Variants in NLRP9 observed in about 807,000 individuals in gnomAD.
NLRP9 encodes NACHT, LRR and PYD domains-containing protein 9.
Under a neutral mutation model 83.1 loss-of-function variants are expected in NLRP9, and 88 were observed. The ratio of observed to expected loss-of-function variants is 1.06; its 90% CI spans 0.89 to 1.26. The LOEUF (loss-of-function observed/expected upper bound fraction) is 1.26, where lower values mean the gene tolerates loss of function less well. Ranked by LOEUF, NLRP9 falls within the 50% of genes most tolerant of loss-of-function variation. The pLI is 0.00. For synonymous variants in NLRP9, 521 were observed against 447.6 expected (o/e 1.16, Z -2.07); for missense variants, 1,308 against 1,179.3 (o/e 1.11, Z -1.60).
chr19:55,728,215 G>T (rs976340189), intron 3 of NLRP9, among the ~76,000 whole-genome samples: 2 of 152,192 alleles, frequency 1.3e-5, no homozygotes. Flanking sequence ...AGTGCCGGTA[G>T]AATTTACGAA....
chr19:55,716,331 T>C (rs1988010610), intron 5 of NLRP9, among the ~76,000 whole-genome samples: 1 of 149,798 alleles, frequency 6.7e-6, no homozygotes, highest in Non-Finnish European at 1.5e-5. Context: ...CAATCTCGGC[T>C]CACTGCAACC....
intron 3 of NLRP9, among the ~76,000 whole-genome samples, chr19:55,726,760 G>C (rs1988415492): frequency 1.3e-5 from 2 of 152,132 alleles, no homozygotes; most frequent in South Asian, 4.1e-4. Context: ...CCTTGGGGAG[G>C]CATTAGAATC....
At chr19:55,715,938 A>G (rs1423989623) in intron 5 of NLRP9, among the ~76,000 whole-genome samples, 8 of 152,228 alleles carry the variant, frequency 5.3e-5, no homozygotes, top group African/African-American at 2.4e-5. Flanking sequence ...AGGTTTTGTT[A>G]AAAGAATAGA....
chr19:55,716,226 A>T (rs576441750), intron 5 of NLRP9, among the ~76,000 whole-genome samples: 5 of 151,614 alleles, frequency 3.3e-5, no homozygotes, highest in African/African-American at 1.2e-4. Flanking sequence ...GTATGGCTTA[A>T]ATATATGCAA....
intron 2 of NLRP9, among the ~76,000 whole-genome samples, chr19:55,731,489 C>T (rs1307089517): frequency 2.0e-5 from 3 of 151,908 alleles, no homozygotes; most frequent in Non-Finnish European, 4.4e-5. Flanking sequence ...TTTGGGAGGC[C>T]GAGATGGGTG....
chr19:55,727,062 G>A (rs1045920009), intron 3 of NLRP9, among the ~76,000 whole-genome samples: 60 of 152,056 alleles, frequency 3.9e-4, no homozygotes, highest in South Asian at 2.1e-4. Context: ...AGACCAGCCC[G>A]GCCAACATAG....
intron 3 of NLRP9, 144 bp downstream of exon 3, chr19:55,729,687 A>G (rs538857942): frequency 1.5e-4 from 92 of 624,992 alleles, no homozygotes; most frequent in Non-Finnish European, 1.7e-4. Flanking sequence ...ATAGTGCCGC[A>G]ATAAACATAC....
rs543270036 is a variant in NLRP9, at chr19:55,733,809, G to C, written c.281-259C>G. 2.0e-5 allele frequency among the ~76,000 whole-genome samples: 3 copies of C among 152,026 alleles called. No individual in the cohort carries two copies. The South Asian group carries it at 6.2e-4, about 32-fold the overall frequency. Reference sequence around the variant, plus strand: ...ATTTTACAACCTATTCTCTCTGAAGGTCTCCTGTGCAAATAAGGATGTGGA... The same window carrying C: ...ATTTTACAACCTATTCTCTCTGAAGCTCTCCTGTGCAAATAAGGATGTGGA... On this transcript the variant is annotated intron_variant, in intron 1 of 8. Transcript: ENST00000332836.
At chr19:55,712,287 G>C (rs1987764608) in intron 7 of NLRP9, 133 bp downstream of exon 7, 1 of 767,074 alleles carries the variant, frequency 1.3e-6, no homozygotes, top group African/African-American at 1.8e-5. Flanking sequence ...CCCTGGGGCA[G>C]CATTTTACAT....
chr19:55,729,029 GCTTAT>G (rs201430156), intron 3 of NLRP9, among the ~76,000 whole-genome samples: 2,243 of 134,410 alleles, frequency 0.017, 77 homozygotes, highest in African/African-American at 0.06. Flanking sequence ...CTACCATTAT[GCTTAT>G]CTTATTTTTC....
rs993315979 is a variant in NLRP9 at position 55,711,612 on chromosome 19, G to A, written c.2843+188C>T. On this transcript the variant is annotated intron_variant, in intron 8 of 8. Coordinates refer to ENST00000332836, the MANE Select transcript of NLRP9 (RefSeq NM_176820.4). ...ACTGGCAACTCATGAGAAAGGCCGAGAATGTTGCTTGACATCTTACAATGT... is the reference window on the plus strand; with the variant it reads ...ACTGGCAACTCATGAGAAAGGCCGAAAATGTTGCTTGACATCTTACAATGT... 5 of 880,826 alleles carry A rather than the reference G, an allele frequency of 5.7e-6. No homozygotes were observed. The Admixed American group carries it at 6.4e-5, about 11-fold the overall frequency. 54.6% of individuals were successfully genotyped at this position (880,826 alleles called of 1,614,324 possible).
chr19:55,725,573 G>A (rs144629046), intron 3 of NLRP9, among the ~76,000 whole-genome samples: 2,534 of 152,230 alleles, frequency 0.017, 56 homozygotes, highest in African/African-American at 0.054. Context: ...GACTGCGGGC[G>A]GAGTGATCCC....
At chr19:55,736,657 T>C (rs1250443627) in intron 1 of NLRP9, among the ~76,000 whole-genome samples, 2 of 151,258 alleles carry the variant, frequency 1.3e-5, no homozygotes, top group African/African-American at 4.9e-5. Context: ...AACATGGTGA[T>C]ACCCCGTCTC....
At chr19:55,734,353 C>T (rs966261628) in intron 1 of NLRP9, among the ~76,000 whole-genome samples, 3 of 97,806 alleles carry the variant, frequency 3.1e-5, no homozygotes, top group Middle Eastern at 6.7e-3. Context: ...AACAGCCTGA[C>T]ACTCTATCTC....
Position 55,732,171 on chromosome 19 carries a change from C to T in NLRP9, c.1660G>A (p.Glu554Lys). Reference sequence around the variant, plus strand: ...ATCACTTTGGTTACAAATTCTTTTTCCTGAGTTTCAAACAAACCAATGAAT... The same window carrying T: ...ATCACTTTGGTTACAAATTCTTTTTTCTGAGTTTCAAACAAACCAATGAAT... ...ELFIGLFETQ[E>K]KEFVTKVMNF... Residue 554 changes from glutamate to lysine, a missense_variant, in exon 2 of 9, where the codon GAA (glutamate) becomes AAA (lysine). Coordinates refer to ENST00000332836, the MANE Select transcript of NLRP9 (RefSeq NM_176820.4). 1 of 1,612,772 alleles carries T rather than the reference C, an allele frequency of 6.2e-7. No homozygotes were observed. Among genetic ancestry groups the T allele is most frequent in the Non-Finnish European group, 8.5e-7 (1 of 1,179,666 alleles).
chr19:55,727,916 A>G (rs1483915250), intron 3 of NLRP9, among the ~76,000 whole-genome samples: 1 of 152,228 alleles, frequency 6.6e-6, no homozygotes, highest in African/African-American at 2.4e-5. Context: ...TTATTTCAGC[A>G]AAAGCACACA....
intron 1 of NLRP9, among the ~76,000 whole-genome samples, chr19:55,734,553 G>T (rs898074589): frequency 2.9e-5 from 4 of 138,442 alleles, no homozygotes; most frequent in Admixed American, 7.4e-5. Context: ...ACATATATAC[G>T]CACACACATA....
Position 55,732,403 on chromosome 19 carries a change from A to T in NLRP9, c.1428T>A (p.Leu476=), listed in dbSNP as rs1476262278. The change falls in exon 2 of 9, where the codon CTT becomes CTA. Residue 476 remains leucine, a synonymous_variant. Coordinates refer to ENST00000332836, the MANE Select transcript of NLRP9 (RefSeq NM_176820.4). ...PNPAIGSITQ[L]VRASVVQPQT... ...GAGGCTGAACCACACTTGCTCTTAC[A>T]AGCTGGGTTATGCTTCCAATGGCCG... The T allele has an allele frequency of 6.2e-7, 1 of 1,614,104 alleles. No homozygotes were observed. Among genetic ancestry groups the T allele is most frequent in the African/African-American group, 1.3e-5 (1 of 74,930 alleles).
At chr19:55,716,575 T>G (rs964968448) in intron 5 of NLRP9, among the ~76,000 whole-genome samples, 153 bp downstream of exon 5, 6 of 152,080 alleles carry the variant, frequency 3.9e-5, no homozygotes, top group Admixed American at 6.6e-5. Flanking sequence ...ATTTTACTGA[T>G]GAGCAACTGA....
Sources: allele counts gnomAD v4.1 joint callset (sites outside exome capture counted in the v4.1 genomes callset), GRCh38; gene constraint gnomAD v4.1.1; transcripts MANE v1.5; gene names NCBI Gene and HGNC (gene_info 2026-07-23, HGNC 2026-07-21).